GALNTL6: variants seen among roughly 807,000 people sequenced by gnomAD.
GALNTL6 encodes polypeptide N-acetylgalactosaminyltransferase like 6.
GALNTL6 carries 46 observed loss-of-function variants against 73.7 expected under a neutral mutation model. The ratio of observed to expected loss-of-function variants is 0.62; its 90% CI spans 0.49 to 0.80. The LOEUF is 0.80. Ranked by LOEUF, GALNTL6 falls within the 30% of genes least tolerant of loss-of-function variation. GALNTL6 has a pLI of 0.00. For synonymous variants in GALNTL6, 259 were observed against 263.7 expected, an observed-to-expected ratio of 0.98 and a Z score of 0.17; for missense variants, 604 against 755.0, an observed-to-expected ratio of 0.80 and a Z score of 2.34.
intron 2 of GALNTL6, among the ~76,000 whole-genome samples, chr4:172,128,582 T>C (rs533209354): frequency 6.6e-6 from 1 of 152,234 alleles, no homozygotes; most frequent in South Asian, 2.1e-4. Context: ...GACCATAATT[T>C]TGAGTAAAGT....
intron 3 of GALNTL6, among the ~76,000 whole-genome samples, chr4:172,283,720 T>C (rs2111084625): frequency 6.6e-6 from 1 of 152,294 alleles, no homozygotes; most frequent in East Asian, 1.9e-4. Context: ...GCCATATTTC[T>C]AATGGAAATG....
intron 7 of GALNTL6, among the ~76,000 whole-genome samples, chr4:172,830,597 G>A (rs1219803909): frequency 6.6e-6 from 1 of 152,188 alleles, no homozygotes; most frequent in African/African-American, 2.4e-5. Flanking sequence ...GATGCCCAAC[G>A]TGTCCCTAGT....
In GALNTL6 at chr4:172,170,949, A is replaced by G. The variant is rs948391348; in HGVS notation, c.139-58707A>G. On this transcript the variant is annotated intron_variant, in intron 2 of 12. Transcript: ENST00000506823. ...TAACTTTTCTATTCCTTTATTCTTC[A>G]GATTCTTTTCCTTTTTCTTATCGTC... Among the ~76,000 whole-genome samples, 5 of 152,358 alleles carry G rather than the reference A, an allele frequency of 3.3e-5. No individual in the cohort carries two copies. The South Asian group carries it at 1.0e-3, about 32-fold the overall frequency.
intron 9 of GALNTL6, among the ~76,000 whole-genome samples, chr4:172,931,697 A>G (rs1748349251): frequency 6.6e-6 from 1 of 152,188 alleles, no homozygotes; most frequent in Admixed American, 6.5e-5. Context: ...GGAGATGGGA[A>G]AAGGTGGATG....
intron 2 of GALNTL6, among the ~76,000 whole-genome samples, chr4:172,013,054 A>G (rs1349436516): frequency 6.6e-6 from 1 of 152,238 alleles, no homozygotes; most frequent in African/African-American, 2.4e-5. Flanking sequence ...TTTAATTGAC[A>G]TAATAATTGT....
rs554929817 is a variant in GALNTL6 at position 171,878,069 on chromosome 4, T to C, written c.138+63351T>C. Among the ~76,000 whole-genome samples, 190 of 152,356 alleles carry C rather than the reference T, an allele frequency of 1.2e-3. 1 individual carries two copies. Among genetic ancestry groups the C allele is most frequent in the African/African-American group, 4.5e-3 (186 of 41,590 alleles). On this transcript the variant is annotated intron_variant, in intron 2 of 12. Coordinates refer to ENST00000506823, the MANE Select transcript of GALNTL6 (RefSeq NM_001034845.3). The stretch of plus-strand genomic sequence containing the variant: ...GATACAGTGGAACTGTTTATAATTC[T>C]AGACTTCTGTTCAGAGTAGAACTAA...
chr4:171,833,461 C>A (rs917856022), intron 2 of GALNTL6, among the ~76,000 whole-genome samples: 2 of 151,512 alleles, frequency 1.3e-5, no homozygotes, highest in East Asian at 1.9e-4. Flanking sequence ...CATTAACAAC[C>A]AAAATACCTG....
intron 5 of GALNTL6, among the ~76,000 whole-genome samples, chr4:172,682,075 AAGACAG>A (rs1441556339): frequency 5.9e-5 from 9 of 152,236 alleles, no homozygotes; most frequent in Non-Finnish European, 1.3e-4. Flanking sequence ...GGGGAAATAA[AAGACAG>A]ATACAGGGAG....
At chr4:171,996,536 G>A (rs1050215259) in intron 2 of GALNTL6, among the ~76,000 whole-genome samples, 5 of 151,956 alleles carry the variant, frequency 3.3e-5, no homozygotes, top group African/African-American at 1.2e-4. Context: ...GCAAGACTGT[G>A]CGTTTGTCAC....
intron 5 of GALNTL6, among the ~76,000 whole-genome samples, chr4:172,679,925 A>C (rs545450025): frequency 7.3e-6 from 1 of 136,520 alleles, no homozygotes; most frequent in African/African-American, 2.9e-5. Context: ...ATAGCTACCT[A>C]TGATTACTTT....
intron 2 of GALNTL6, among the ~76,000 whole-genome samples, chr4:172,216,051 A>G (rs1736487900): frequency 6.6e-6 from 1 of 152,154 alleles, no homozygotes; most frequent in African/African-American, 2.4e-5. Context: ...TGCTAATATT[A>G]CTTTAAACAA....
intron 5 of GALNTL6, among the ~76,000 whole-genome samples, chr4:172,517,777 C>T (rs1411603049): frequency 6.6e-6 from 1 of 151,776 alleles, no homozygotes; most frequent in Non-Finnish European, 1.5e-5. Flanking sequence ...TCTGAGGGAC[C>T]AAATAGAGTA....
chr4:172,624,199 G>C (rs1171047788), intron 5 of GALNTL6, among the ~76,000 whole-genome samples: 1 of 151,878 alleles, frequency 6.6e-6, no homozygotes, highest in Non-Finnish European at 1.5e-5. Flanking sequence ...TTTTTTCTTT[G>C]GACCCAAAAT....
intron 2 of GALNTL6, among the ~76,000 whole-genome samples, chr4:171,882,420 A>C (rs988517889): frequency 6.6e-6 from 1 of 152,216 alleles, no homozygotes; most frequent in Admixed American, 6.5e-5. Context: ...GGTAGTTTAT[A>C]AGCAGAATTG....
At chr4:172,901,216 G>A (rs1746608960) in intron 8 of GALNTL6, among the ~76,000 whole-genome samples, 1 of 152,112 alleles carries the variant, frequency 6.6e-6, no homozygotes, top group Non-Finnish European at 1.5e-5. Flanking sequence ...TGCTGACCCT[G>A]GGGGTTCCTG....
chr4:172,776,760 T>TGATTGTTTCC (rs1387624390), intron 5 of GALNTL6, among the ~76,000 whole-genome samples: 5 of 152,236 alleles, frequency 3.3e-5, no homozygotes, highest in Non-Finnish European at 7.3e-5. Flanking sequence ...TGCTTGTTTC[T>TGATTGTTTCC]GATTGTTTCC....
chr4:171,825,159 T>C lies in GALNTL6; in HGVS notation c.138+10441T>C, dbSNP rs113823203. ...AATTCTCAAAGAATGTCTTTAGGGC[T>C]GAATACTTTATTATTTCATCTAACT... On this transcript the variant is annotated intron_variant, in intron 2 of 12. Transcript: ENST00000506823. Among the ~76,000 whole-genome samples, 316 of 152,306 alleles carry C rather than the reference T, an allele frequency of 2.1e-3. 3 individuals are homozygous for C. Among genetic ancestry groups the C allele is most frequent in the Middle Eastern group, 0.01 (3 of 294 alleles).
Position 172,229,657 on chromosome 4 carries a change from C to T in GALNTL6, c.140C>T (p.Thr47Ile). The T allele has an allele frequency of 1.2e-6, 2 of 1,605,110 alleles. No homozygotes were observed. Among genetic ancestry groups the T allele is most frequent in the Non-Finnish European group, 1.7e-6 (2 of 1,172,052 alleles). ...VKSAEPGEQQ[T>I]FPLGLGDGQF... ...CTTGAATACTTTCCTTTTCCACAGACATTTCCACTGGGCCTGGGAGATGGG... is the reference window on the plus strand; with the variant it reads ...CTTGAATACTTTCCTTTTCCACAGATATTTCCACTGGGCCTGGGAGATGGG... The change falls in exon 3 of 13, where the codon ACA (threonine) becomes ATA (isoleucine). Residue 47 changes from threonine to isoleucine, a missense_variant and splice_region_variant. By Grantham distance (89) the Thr-to-Ile change is moderately conservative (BLOSUM62 -1). Coordinates refer to ENST00000506823, the MANE Select transcript of GALNTL6 (RefSeq NM_001034845.3).
chr4:171,951,655 A>G (rs1158775064), intron 2 of GALNTL6, among the ~76,000 whole-genome samples: 3 of 152,184 alleles, frequency 2.0e-5, no homozygotes, highest in East Asian at 1.9e-4. Flanking sequence ...TAATTTCAAA[A>G]TGTCAAATAG....
Sources: gnomAD v4.1 joint callset for allele counts (sites outside exome capture counted in the v4.1 genomes callset) on GRCh38, gnomAD v4.1.1 for gene constraint, MANE v1.5 for transcripts, NCBI Gene and HGNC (gene_info 2026-07-23, HGNC 2026-07-21) for gene names.